SNF8: variants seen among roughly 807,000 people sequenced by gnomAD.
SNF8 encodes the protein vacuolar-sorting protein SNF8.
SNF8 carries 19 observed loss-of-function variants against 36.8 expected under a neutral mutation model. The observed-to-expected ratio is 0.52, with a 90% CI of 0.36 to 0.76. The LOEUF (loss-of-function observed/expected upper bound fraction) is 0.76. Among genes scored for constraint, SNF8 ranks in the 30% least tolerant of loss-of-function variants. SNF8 has a pLI of 0.00. For missense variants in SNF8, 268 were observed against 322.9 expected (o/e 0.83, Z 1.30); for synonymous variants, 127 against 127.4 (o/e 1.00, Z 0.02).
rs747981978 is a variant in SNF8, at chr17:48,943,956, C to T, written c.74G>A (p.Gly25Glu). ...KLAEAKYKER[G>E]TVLAEDQLAQ... ...TAGCTGGTCCTCAGCCAAGACCGTCCCTCGCTCCTTATACTTGGCCTGTCA... is the reference window on the plus strand; with the variant it reads ...TAGCTGGTCCTCAGCCAAGACCGTCTCTCGCTCCTTATACTTGGCCTGTCA... Residue 25 changes from glycine to glutamate, a missense_variant, in exon 2 of 8, where the codon GGG becomes GAG. Transcript: ENST00000502492. 1.9e-6 allele frequency: 3 copies of T among 1,613,872 alleles called. No individual in the cohort carries two copies. The highest frequency in any genetic ancestry group is 2.5e-6 in the Non-Finnish European group (3 of 1,179,952).
intron 3 of SNF8, among the ~76,000 whole-genome samples, chr17:48,938,127 T>C (rs967880640): frequency 1.3e-5 from 2 of 152,078 alleles, no homozygotes; most frequent in Admixed American, 1.3e-4. Flanking sequence ...ATCCACTGAA[T>C]GTTCTGTGAG....
At chr17:48,934,280 A>G (rs1041117666) in intron 5 of SNF8, among the ~76,000 whole-genome samples, 74 of 152,230 alleles carry the variant, frequency 4.9e-4, no homozygotes, top group South Asian at 2.9e-3. Flanking sequence ...GAAATCTGCA[A>G]TGAGTATGGC....
In SNF8 at chr17:48,941,088, A is replaced by C. The variant is rs775430783; in HGVS notation, c.106-26T>G. ...CTGTTGGATGGACAGGGAGTGGTGA[A>C]GGGCAGCCCAGCCAAATGATAATCA... On this transcript the variant is annotated intron_variant, in intron 2 of 7. Coordinates refer to ENST00000502492, the MANE Select transcript of SNF8 (RefSeq NM_007241.4). 7 of 1,606,732 alleles carry C rather than the reference A, an allele frequency of 4.4e-6. No individual in the cohort carries two copies. In the South Asian group the frequency reaches 7.7e-5, roughly 18 times the overall value.
rs528890224 is a variant in SNF8, at chr17:48,939,458, C to CTTT, written c.244+1463_244+1465dup. Among the ~76,000 whole-genome samples, 69 of 132,650 alleles carry CTTT rather than the reference C, an allele frequency of 5.2e-4. 2 individuals carry two copies. The highest frequency in any genetic ancestry group is 6.9e-4 in the Non-Finnish European group (43 of 62,386). 87.0% of individuals were successfully genotyped at this position (132,650 alleles called of 152,430 possible). The stretch of plus-strand genomic sequence containing the variant: ...CTAAAAAATAATAAATTAGTAATTT[C>CTTT]TTTTTTTTTTTTTTTTGGGGGGATG... On this transcript the variant is annotated intron_variant, in intron 3 of 7. Transcript: ENST00000502492.
chr17:48,937,819 A>C (rs1201467228), intron 3 of SNF8, among the ~76,000 whole-genome samples: 3 of 151,078 alleles, frequency 2.0e-5, no homozygotes, highest in Admixed American at 2.0e-4. Flanking sequence ...TCAGCTACTC[A>C]GGAGACTGAG....
In SNF8 at chr17:48,937,349, C is replaced by T. The variant is rs1325008619; in HGVS notation, c.245-225G>A. On this transcript the variant is annotated intron_variant, in intron 3 of 7. Transcript: ENST00000502492. ...AGGCAATCTAAAAGTCATTTCTGGC[C>T]GGGCGCAGTGGCTCACGCCTGTAAT... is the stretch of plus-strand genomic sequence containing the variant. The T allele has an allele frequency of 6.5e-5, 42 of 645,020 alleles. No homozygotes were observed. In the Admixed American group the frequency reaches 7.3e-4, roughly 11 times the overall value. The allele number at this position is 645,020 out of a possible 1,614,324, so 40.0% of individuals were successfully genotyped here.
chr17:48,942,843 C>A (rs563550342), intron 2 of SNF8, among the ~76,000 whole-genome samples: 1 of 135,090 alleles, frequency 7.4e-6, no homozygotes, highest in Admixed American at 8.3e-5. Context: ...CCACCGCACC[C>A]GGCCTTTTTT....
At chr17:48,936,290 T>A in intron 4 of SNF8, 48 bp from the exon 5 acceptor site, 1 of 1,444,114 alleles carries the variant, frequency 6.9e-7, no homozygotes, top group Non-Finnish European at 9.7e-7. Context: ...TTACCCACTT[T>A]AAATAAGTTG....
At position 48,935,076 on chromosome 17, in the gene SNF8, T is replaced by C. The variant is rs965723165; in HGVS notation, c.422+1094A>G. Among the ~76,000 whole-genome samples the C allele has an allele frequency of 1.2e-4, 19 of 152,122 alleles. 1 individual carries two copies. The highest frequency in any genetic ancestry group is 1.1e-3 in the Admixed American group (17 of 15,252). On this transcript the variant is annotated intron_variant, in intron 5 of 7. Transcript: ENST00000502492. ...CCTTGGCCTCAAATAATCTCACGAC[T>C]ATATACAGCCCTGGCCAGCCGTGGT...
chr17:48,937,649 C>T (rs1240015076), intron 3 of SNF8, among the ~76,000 whole-genome samples: 1 of 150,696 alleles, frequency 6.6e-6, no homozygotes, highest in Non-Finnish European at 1.5e-5. Flanking sequence ...AAAATACAGC[C>T]GGGGACAGTG....
At chr17:48,933,656 C>T in intron 5 of SNF8, 2 of 293,612 alleles carry the variant, frequency 6.8e-6, no homozygotes, top group Non-Finnish European at 1.3e-5. Context: ...ATCACTTGAG[C>T]CCAGGAGTTC....
rs1041199277 is a variant in SNF8, at chr17:48,940,914, A to T, written c.244+10T>A. On this transcript the variant is annotated intron_variant, in intron 3 of 7. Coordinates refer to ENST00000502492, the MANE Select transcript of SNF8 (RefSeq NM_007241.4). ...ATAAGAACGCTGGACCCCTACAGAC[A>T]ACTTCTTACAGGCCAGCGGATCCAC... The T allele has an allele frequency of 3.1e-6, 5 of 1,611,514 alleles. No individual in the cohort carries two copies. Among genetic ancestry groups the T allele is most frequent in the Non-Finnish European group, 3.4e-6 (4 of 1,179,376 alleles).
intron 5 of SNF8, among the ~76,000 whole-genome samples, chr17:48,934,318 T>C (rs2143798696): frequency 6.6e-6 from 1 of 151,286 alleles, no homozygotes; most frequent in South Asian, 2.1e-4. Context: ...CACTTTCCTT[T>C]TTTTTTTTTT....
rs1487720457 is a variant in SNF8, at chr17:48,943,942, C to T, written c.88G>A (p.Glu30Lys). ...KYKERGTVLA[E>K]DQLAQMSKQL... ...CGACTTACCTGGGCTAGCTGGTCCT[C>T]AGCCAAGACCGTCCCTCGCTCCTTA... The change falls in exon 2 of 8, where the codon GAG becomes AAG. Residue 30 changes from glutamate (E) to lysine (K), a missense_variant. Coordinates refer to ENST00000502492, the MANE Select transcript of SNF8 (RefSeq NM_007241.4). The T allele has an allele frequency of 6.2e-7, 1 of 1,614,050 alleles. No individual in the cohort carries two copies.
At chr17:48,935,154 T>G (rs1469972827) in intron 5 of SNF8, among the ~76,000 whole-genome samples, 1 of 151,832 alleles carries the variant, frequency 6.6e-6, no homozygotes, top group East Asian at 1.9e-4. Flanking sequence ...GCAGATCACT[T>G]GAGGCCAGGA....
chr17:48,933,025 G>A, intron 6 of SNF8, 180 bp downstream of exon 6: 1 of 586,390 alleles, frequency 1.7e-6, no homozygotes, highest in Non-Finnish European at 2.9e-6. Flanking sequence ...GCCTGGCCCA[G>A]TGCTTTGCAC....
rs923077218 is a variant in SNF8, at chr17:48,936,072, C to T, written c.422+98G>A. On this transcript the variant is annotated intron_variant, in intron 5 of 7. Transcript: ENST00000502492. ...TATGATATGGAGATCATACAGATTT[C>T]TAAGCTAGCCTAGACATGAGGAATA... 2.1e-5 allele frequency: 17 copies of T among 813,468 alleles called. No homozygotes were observed. The Admixed American group carries it at 2.4e-4, about 11-fold the overall frequency. 50.4% of individuals were successfully genotyped at this position (813,468 alleles called of 1,614,324 possible). A position where few individuals can be genotyped will look rare whatever the true frequency, so the allele number is the denominator to read the frequency against.
At chr17:48,944,111 G>A in intron 1 of SNF8, 136 bp from the exon 2 acceptor site, 1 of 741,008 alleles carries the variant, frequency 1.3e-6, no homozygotes. Flanking sequence ...AGCCATCCTG[G>A]CTAACACAGT....
At chr17:48,931,383 T>C (rs1470269223) in intron 7 of SNF8, among the ~76,000 whole-genome samples, 1 of 152,200 alleles carries the variant, frequency 6.6e-6, no homozygotes, top group Non-Finnish European at 1.5e-5. Context: ...GCTCAGCATG[T>C]TCAGGAGAGA....
Sources: gnomAD v4.1 joint callset for allele counts (sites outside exome capture counted in the v4.1 genomes callset) on GRCh38, gnomAD v4.1.1 for gene constraint, MANE v1.5 for transcripts, NCBI Gene and HGNC (gene_info 2026-07-23, HGNC 2026-07-21) for gene names.